Variants in MCPH1 observed in about 807,000 individuals in gnomAD.
MCPH1 encodes the protein microcephalin 1, also known as microcephalin.
A neutral mutation model predicts 84.5 loss-of-function variants in MCPH1; 104 were observed. The observed-to-expected ratio is 1.23, with a 90% confidence interval of 1.05 to 1.45. The LOEUF (loss-of-function observed/expected upper bound fraction) is 1.45, where lower values mean the gene tolerates loss of function less well. Ranked by LOEUF, MCPH1 falls within the 40% of genes most tolerant of loss-of-function variation. The pLI, the probability that MCPH1 is intolerant of heterozygous loss-of-function variation, is 0.00. For synonymous variants in MCPH1, 514 were observed against 366.8 expected, an observed-to-expected ratio of 1.40 and a Z score of -4.58; for missense variants, 1,498 against 1,005.7, an observed-to-expected ratio of 1.49 and a Z score of -6.62.
chr8:6,474,088 T>C (rs1271759540), intron 9 of MCPH1: 2 of 779,414 alleles, frequency 2.6e-6, no homozygotes, highest in Non-Finnish European at 4.7e-6. Flanking sequence ...ACACAAAAAC[T>C]ATGTGAAACC....
chr8:6,614,106 C>A (rs994917002), intron 12 of MCPH1, among the ~76,000 whole-genome samples: 1 of 151,932 alleles, frequency 6.6e-6, no homozygotes. Context: ...TAACTCTACA[C>A]TGAGAATTAT....
At chr8:6,611,886 G>A (rs949447939) in intron 12 of MCPH1, among the ~76,000 whole-genome samples, 17 of 152,172 alleles carry the variant, frequency 1.1e-4, no homozygotes, top group Non-Finnish European at 2.2e-4. Flanking sequence ...CCAAAGTGCT[G>A]GGATTACAGG....
At chr8:6,601,369 C>A (rs978949488) in intron 12 of MCPH1, among the ~76,000 whole-genome samples, 1 of 152,248 alleles carries the variant, frequency 6.6e-6, no homozygotes, top group East Asian at 1.9e-4. Flanking sequence ...AACTGCCCTC[C>A]TCCTCTTCCG....
chr8:6,621,164 C>G (rs1460772009), intron 12 of MCPH1: 3 of 453,926 alleles, frequency 6.6e-6, no homozygotes, highest in South Asian at 4.3e-5. Context: ...CTAACAGTTG[C>G]TTTTCAATAT....
intron 12 of MCPH1, among the ~76,000 whole-genome samples, chr8:6,532,921 G>A (rs569924044): frequency 1.3e-5 from 2 of 152,286 alleles, no homozygotes; most frequent in Admixed American, 6.5e-5. Context: ...TCACATTCTA[G>A]ACTTTTGGTT....
At chr8:6,485,892 C>T (rs1586053825) in intron 11 of MCPH1, among the ~76,000 whole-genome samples, 1 of 152,132 alleles carries the variant, frequency 6.6e-6, no homozygotes, top group Non-Finnish European at 1.5e-5. Context: ...GCTGGCACAA[C>T]AGGAGTATTG....
At chr8:6,608,317 G>A (rs1226928534) in intron 12 of MCPH1, among the ~76,000 whole-genome samples, 2 of 152,216 alleles carry the variant, frequency 1.3e-5, no homozygotes, top group East Asian at 3.8e-4. Context: ...GGCAGACGTC[G>A]GCCTAAAGGC....
chr8:6,637,744 C>T (rs763163784), intron 13 of MCPH1, among the ~76,000 whole-genome samples: 4 of 152,080 alleles, frequency 2.6e-5, no homozygotes, highest in East Asian at 1.9e-4. Flanking sequence ...CCTCCTAACT[C>T]GGCCTCTCAA....
chr8:6,527,774 A>G, intron 12 of MCPH1: 1 of 1,144,208 alleles, frequency 8.7e-7, no homozygotes. Context: ...AGGAAAACAT[A>G]ACAAAAACAT....
At chr8:6,627,917 A>G (rs1369013939) in intron 13 of MCPH1, among the ~76,000 whole-genome samples, 3 of 151,882 alleles carry the variant, frequency 2.0e-5, no homozygotes, top group African/African-American at 7.3e-5. Context: ...TTATATATAT[A>G]TATTTATATA....
At chr8:6,633,977 G>A (rs886562655) in intron 13 of MCPH1, among the ~76,000 whole-genome samples, 1 of 152,202 alleles carries the variant, frequency 6.6e-6, no homozygotes, top group East Asian at 1.9e-4. Flanking sequence ...GCGTCTTACA[G>A]AAGAGTATGG....
intron 12 of MCPH1, among the ~76,000 whole-genome samples, chr8:6,560,057 G>A (rs540553298): frequency 3.4e-4 from 52 of 152,328 alleles, no homozygotes; most frequent in Non-Finnish European, 6.8e-4. Flanking sequence ...CCACTCAGAG[G>A]TTGAACTACT....
At chr8:6,470,505 G>A (rs1299992498) in intron 9 of MCPH1, among the ~76,000 whole-genome samples, 2 of 152,208 alleles carry the variant, frequency 1.3e-5, no homozygotes, top group East Asian at 1.9e-4. Flanking sequence ...GGCTAGTCTC[G>A]AACTCCTGAC....
chr8:6,410,428 A>C (rs1285496162), intron 2 of MCPH1, among the ~76,000 whole-genome samples: 2 of 152,228 alleles, frequency 1.3e-5, no homozygotes, highest in African/African-American at 2.4e-5. Flanking sequence ...TGCAGTTTTC[A>C]GTGAAATGGG....
At chr8:6,500,167 A>G in intron 12 of MCPH1, 1 of 517,606 alleles carries the variant, frequency 1.9e-6, no homozygotes, top group Non-Finnish European at 3.5e-6. Flanking sequence ...TTGACGATTA[A>G]CATCCTCAGA....
In MCPH1 at chr8:6,610,117, G is replaced by A. The variant is rs146593789; in HGVS notation, c.2215-11337G>A. Among the ~76,000 whole-genome samples, 299 of 152,332 alleles carry A rather than the reference G, an allele frequency of 2.0e-3. 1 individual carries two copies. Among genetic ancestry groups the A allele is most frequent in the African/African-American group, 6.9e-3 (285 of 41,576 alleles). ...TGTTCGCTATTTTTACTGGCCTTGA[G>A]AGTCTCCTTGCTTTGACATCCTCTT... On this transcript the variant is annotated intron_variant, in intron 12 of 13. Coordinates refer to ENST00000344683, the MANE Select transcript of MCPH1 (RefSeq NM_024596.5).
intron 11 of MCPH1, among the ~76,000 whole-genome samples, chr8:6,497,692 G>A (rs2515596): frequency 0.057 from 8,727 of 152,234 alleles, 272 homozygotes; most frequent in Non-Finnish European, 0.066. Context: ...GGGAGACATC[G>A]AAATGCATAT....
At chr8:6,605,440 T>G (rs1829688972) in intron 12 of MCPH1, among the ~76,000 whole-genome samples, 1 of 151,978 alleles carries the variant, frequency 6.6e-6, no homozygotes, top group African/African-American at 2.4e-5. Context: ...GCGATGGGAG[T>G]TTGCATTTTG....
chr8:6,412,530 C>G (rs982836508), intron 2 of MCPH1, among the ~76,000 whole-genome samples: 7 of 152,162 alleles, frequency 4.6e-5, no homozygotes, highest in South Asian at 2.1e-4. Context: ...TGATTTAAAA[C>G]CAGACTACAG....
Sources: allele counts gnomAD v4.1 joint callset (sites outside exome capture counted in the v4.1 genomes callset), GRCh38; gene constraint gnomAD v4.1.1; transcripts MANE v1.5; gene names NCBI Gene and HGNC (gene_info 2026-07-23, HGNC 2026-07-21).